CIP2A: variants seen among roughly 807,000 people sequenced by gnomAD.
CIP2A encodes the protein cellular inhibitor of PP2A, also known as protein CIP2A.
In CIP2A, 103 loss-of-function variants were observed where a neutral mutation model predicts 110.9. The observed-to-expected ratio is 0.93, with a 90% CI of 0.79 to 1.09. The LOEUF (loss-of-function observed/expected upper bound fraction) is 1.09. Ranked by LOEUF, CIP2A falls within the 50% of genes least tolerant of loss-of-function variation. The pLI, the probability that CIP2A is intolerant of heterozygous loss-of-function variation, is 0.00. For synonymous variants in CIP2A, 381 were observed against 361.6 expected (o/e 1.05, Z -0.61); for missense variants, 1,088 against 1,038.4 (o/e 1.05, Z -0.66).
At position 108,566,697 on chromosome 3, in the gene CIP2A, ATTCAGGATGAT is replaced by A. The variant is rs2107332166; in HGVS notation, c.1274-70_1274-60del. 3 of 1,059,930 alleles carry A rather than the reference ATTCAGGATGAT, an allele frequency of 2.8e-6. No individual in the cohort carries two copies. The South Asian group carries it at 5.0e-5, about 18-fold the overall frequency. The allele number at this position is 1,059,930 out of a possible 1,614,324, so 65.7% of individuals were successfully genotyped here. A position where few individuals can be genotyped will look rare whatever the true frequency, so the allele number is the denominator to read the frequency against. ...TCTCACTTTATGTGTAAAAGATAAC[ATTCAGGATGAT>A]TTCATACAAATTATATCATCACTGT... On this transcript the variant is annotated intron_variant, in intron 10 of 20. Transcript: ENST00000295746.
intron 8 of CIP2A, among the ~76,000 whole-genome samples, chr3:108,575,424 GTATACATACACA>G (rs1226459261): frequency 2.0e-3 from 188 of 94,492 alleles, no homozygotes; most frequent in African/African-American, 5.2e-3. Context: ...ACATATACAT[GTATACATACACA>G]TACATATATA....
chr3:108,589,223 T>C (rs1368202739), intron 1 of CIP2A, 51 bp downstream of exon 1: 1 of 1,392,426 alleles, frequency 7.2e-7, no homozygotes, highest in Non-Finnish European at 1.0e-6. Context: ...CACTGTGAAA[T>C]AAGAATTGCT....
At position 108,569,473 on chromosome 3, in the gene CIP2A, A is replaced by T; in HGVS notation, c.1029T>A (p.Ala343=). 6.2e-7 allele frequency: 1 copy of T among 1,612,882 alleles called. No homozygotes were observed. The highest frequency in any genetic ancestry group is 8.5e-7 in the Non-Finnish European group (1 of 1,179,332). ...AAGGTTGGCTTAACCAGCGCAGTAG[A>T]GCCACAGTAGGTTCTAAACATTTAG... is the stretch of plus-strand genomic sequence containing the variant. ...SHTKCLEPTV[A]LLRWLSQPLD... is the part of the protein sequence containing the mutation. The change falls in exon 9 of 21, where the codon GCT becomes GCA. Residue 343 remains alanine, a synonymous_variant. Transcript: ENST00000295746.
At chr3:108,586,434 G>A (rs139622965) in intron 1 of CIP2A, among the ~76,000 whole-genome samples, 17 of 152,250 alleles carry the variant, frequency 1.1e-4, no homozygotes, top group African/African-American at 4.1e-4. Context: ...GATTGGTCCT[G>A]TATCTCATTA....
Position 108,550,608 on chromosome 3 carries a change from T to C in CIP2A, c.*541A>G, listed in dbSNP as rs1036145788. On this transcript the variant is annotated 3_prime_UTR_variant, in exon 21 of 21. Coordinates refer to ENST00000295746, the MANE Select transcript of CIP2A (RefSeq NM_020890.3). Reference sequence around the variant, plus strand: ...GCATTTTTTTCAAATTTAGAAATTATGCTACAGCAGTATAAAAATTATTTT... The same window carrying C: ...GCATTTTTTTCAAATTTAGAAATTACGCTACAGCAGTATAAAAATTATTTT... 2 of 151,704 alleles carry C rather than the reference T, an allele frequency of 1.3e-5. No individual in the cohort carries two copies. Among genetic ancestry groups the C allele is most frequent in the Non-Finnish European group, 1.5e-5 (1 of 67,780 alleles). 9.4% of individuals were successfully genotyped at this position (151,704 alleles called of 1,614,324 possible).
Position 108,585,084 on chromosome 3 carries a change from GATA to G in CIP2A, c.228_230del (p.Ile77del). 1 of 1,611,680 alleles carries G rather than the reference GATA, an allele frequency of 6.2e-7. No individual in the cohort carries two copies. On this transcript the variant is annotated inframe_deletion, in exon 2 of 21. Transcript: ENST00000295746. Reference sequence around the variant, plus strand: ...CATTACCTAGTTGAGACAGCAAACCGATAATACTTAAGATCAGTGAAGCACTTA... The same window carrying G: ...CATTACCTAGTTGAGACAGCAAACCGATACTTAAGATCAGTGAAGCACTTA...
intron 16 of CIP2A, 54 bp downstream of exon 16, chr3:108,559,703 T>C: frequency 1.0e-6 from 1 of 1,003,060 alleles, no homozygotes; most frequent in East Asian, 2.6e-5. Context: ...ATATTTTGCA[T>C]GTTTTACTTA....
intron 15 of CIP2A, 35 bp downstream of exon 15, chr3:108,559,919 C>T: frequency 6.3e-7 from 1 of 1,577,866 alleles, no homozygotes; most frequent in Non-Finnish European, 8.7e-7. Context: ...TCTATTAAAG[C>T]TTATTACACA....
Position 108,579,293 on chromosome 3 carries a change from T to A in CIP2A, c.806A>T (p.Asp269Val). 1 of 1,609,340 alleles carries A rather than the reference T, an allele frequency of 6.2e-7. No homozygotes were observed. Among genetic ancestry groups the A allele is most frequent in the Non-Finnish European group, 8.5e-7 (1 of 1,177,074 alleles). The change falls in exon 7 of 21, where the codon GAT becomes GTT. Residue 269 changes from aspartate to valine, a missense_variant. By Grantham distance (152) the Asp-to-Val change is radical. Coordinates refer to ENST00000295746, the MANE Select transcript of CIP2A (RefSeq NM_020890.3). ...AAGTGAGTCATACCTGGTGAGATAA[T>A]CAGCAATTTTAGGATTCTTAAGGAG... Reference protein sequence around the residue: ...MDLLKNPKIADYLTRYEHFSS... With the variant: ...MDLLKNPKIAVYLTRYEHFSS...
chr3:108,566,457 T>C, intron 11 of CIP2A, 40 bp downstream of exon 11: 1 of 1,552,592 alleles, frequency 6.4e-7, no homozygotes, highest in East Asian at 2.4e-5. Context: ...TTCGATTTTT[T>C]ACTGCCTTGC....
At chr3:108,561,271 C>T (rs1937997228) in intron 13 of CIP2A, among the ~76,000 whole-genome samples, 1 of 152,096 alleles carries the variant, frequency 6.6e-6, no homozygotes, top group Non-Finnish European at 1.5e-5. Flanking sequence ...TTTCTCCTAC[C>T]TCAGGCCTTC....
chr3:108,570,001 G>C (rs549569461), intron 8 of CIP2A, among the ~76,000 whole-genome samples: 1 of 151,880 alleles, frequency 6.6e-6, no homozygotes, highest in African/African-American at 2.4e-5. Flanking sequence ...TTCAATAACC[G>C]CTATAAAGGA....
chr3:108,568,397 C>G, intron 9 of CIP2A, 83 bp from the exon 10 acceptor site: 1 of 1,119,724 alleles, frequency 8.9e-7, no homozygotes, highest in East Asian at 2.7e-5. Context: ...TTGTAACACT[C>G]TCTTTAAATT....
intron 8 of CIP2A, among the ~76,000 whole-genome samples, 158 bp from the exon 9 acceptor site, chr3:108,569,765 T>A (rs1246212788): frequency 6.6e-6 from 1 of 152,108 alleles, no homozygotes; most frequent in East Asian, 1.9e-4. Context: ...AATGTGTGAA[T>A]AGGTTCTAGA....
At chr3:108,574,687 TGA>T (rs1938507366) in intron 8 of CIP2A, 1 of 152,510 alleles carries the variant, frequency 6.6e-6, no homozygotes, top group South Asian at 2.1e-4. Context: ...CTAAGAAACC[TGA>T]GAGACAGCCC....
At chr3:108,575,301 T>TACGTACACACACGTGC (rs1282359835) in intron 8 of CIP2A, among the ~76,000 whole-genome samples, 1 of 138,064 alleles carries the variant, frequency 7.2e-6, no homozygotes, top group East Asian at 2.0e-4. Context: ...CACACACGTG[T>TACGTACACACACGTGC]ACGTACACAC....
At chr3:108,566,361 C>A in intron 11 of CIP2A, 136 bp downstream of exon 11, 1 of 632,658 alleles carries the variant, frequency 1.6e-6, no homozygotes, top group Non-Finnish European at 2.6e-6. Context: ...ACAAAAAATT[C>A]ATTATGAAAA....
intron 1 of CIP2A, 134 bp downstream of exon 1, chr3:108,589,140 A>T: frequency 1.6e-6 from 1 of 644,462 alleles, no homozygotes. Context: ...AGCCTTTACC[A>T]GTACGAAAAG....
intron 3 of CIP2A, among the ~76,000 whole-genome samples, chr3:108,582,728 A>G (rs1250373920): frequency 6.6e-6 from 1 of 152,246 alleles, no homozygotes; most frequent in Non-Finnish European, 1.5e-5. Context: ...ATCTGTGTTT[A>G]TAAGTCAAAG....
Sources: allele counts gnomAD v4.1 joint callset (sites outside exome capture counted in the v4.1 genomes callset), GRCh38; gene constraint gnomAD v4.1.1; transcripts MANE v1.5; gene names NCBI Gene and HGNC (gene_info 2026-07-23, HGNC 2026-07-21).